VPS4B: variants seen among roughly 807,000 people sequenced by gnomAD.
The protein encoded by VPS4B is vacuolar protein sorting 4 homolog B.
Under a neutral mutation model 56.1 loss-of-function variants are expected in VPS4B, and 23 were observed. The ratio of observed to expected loss-of-function variants is 0.41; its 90% CI spans 0.30 to 0.58. The LOEUF (loss-of-function observed/expected upper bound fraction) is 0.58. Ranked by LOEUF, VPS4B falls within the 20% of genes least tolerant of loss-of-function variation. VPS4B has a pLI of 0.29. For missense variants in VPS4B, 372 were observed against 531.9 expected, an observed-to-expected ratio of 0.70 and a Z score of 2.96; for synonymous variants, 177 against 186.0, an observed-to-expected ratio of 0.95 and a Z score of 0.39.
intron 3 of VPS4B, among the ~76,000 whole-genome samples, chr18:63,409,366 G>A (rs1479859711): frequency 6.6e-6 from 1 of 152,154 alleles, no homozygotes; most frequent in Non-Finnish European, 1.5e-5. Context: ...CATTCCTTGT[G>A]ACCACAGGGT....
chr18:63,400,281 T>G, intron 6 of VPS4B, 85 bp from the exon 7 acceptor site: 1 of 1,369,846 alleles, frequency 7.3e-7, no homozygotes. Context: ...AAGAACTCTG[T>G]AGATTAAAAA....
At chr18:63,413,565 C>T (rs1232670155) in intron 1 of VPS4B, among the ~76,000 whole-genome samples, 1 of 148,932 alleles carries the variant, frequency 6.7e-6, no homozygotes, top group African/African-American at 2.5e-5. Context: ...AAATTATGCA[C>T]AGATACATAC....
At chr18:63,418,954 C>T (rs1916231168) in intron 1 of VPS4B, among the ~76,000 whole-genome samples, 1 of 152,168 alleles carries the variant, frequency 6.6e-6, no homozygotes, top group Non-Finnish European at 1.5e-5. Flanking sequence ...TGATTGTCTC[C>T]ACAAGCATCT....
chr18:63,411,396 A>T, intron 2 of VPS4B, 71 bp downstream of exon 2: 1 of 1,153,532 alleles, frequency 8.7e-7, no homozygotes, highest in Non-Finnish European at 1.1e-6. Flanking sequence ...TTATATTTCA[A>T]TTTTTTAGAA....
At chr18:63,402,824 A>G (rs753107318) in intron 5 of VPS4B, among the ~76,000 whole-genome samples, 11 of 152,200 alleles carry the variant, frequency 7.2e-5, no homozygotes, top group Non-Finnish European at 1.2e-4. Flanking sequence ...TGCGTGGCCT[A>G]CAGGCTTTTT....
intron 1 of VPS4B, among the ~76,000 whole-genome samples, chr18:63,413,038 T>C (rs916547670): frequency 1.3e-5 from 2 of 152,188 alleles, no homozygotes; most frequent in African/African-American, 2.4e-5. Context: ...AAAGAACTAG[T>C]ATCGAGAATA....
intron 8 of VPS4B, among the ~76,000 whole-genome samples, chr18:63,397,485 A>T (rs974727252): frequency 6.6e-6 from 1 of 152,174 alleles, no homozygotes; most frequent in Non-Finnish European, 1.5e-5. Context: ...TTTTGGCCAC[A>T]GTGTTCCTAT....
At chr18:63,415,298 T>C (rs542799122) in intron 1 of VPS4B, 1 of 161,268 alleles carries the variant, frequency 6.2e-6, no homozygotes, top group East Asian at 1.9e-4. Flanking sequence ...GAGGGATCCA[T>C]ACAAAGGACA....
intron 6 of VPS4B, 97 bp downstream of exon 6, chr18:63,400,450 T>G: frequency 7.6e-7 from 1 of 1,324,090 alleles, no homozygotes; most frequent in Non-Finnish European, 1.0e-6. Context: ...TTACATGACT[T>G]CTCTGAATAT....
chr18:63,402,068 A>G (rs773265737), intron 5 of VPS4B, among the ~76,000 whole-genome samples: 6 of 152,240 alleles, frequency 3.9e-5, no homozygotes, highest in Non-Finnish European at 8.8e-5. Context: ...CAGTATCTGC[A>G]AAAGAATGAT....
intron 1 of VPS4B, chr18:63,415,738 C>A: frequency 4.2e-6 from 1 of 236,940 alleles, no homozygotes. Context: ...GAGCTGATGA[C>A]AGATGGCAGG....
At position 63,393,398 on chromosome 18, in the gene VPS4B, A is replaced by C; in HGVS notation, c.1233+11T>G. ...TAAAATATTTTCTTAAAAACAAACA[A>C]AATTTCAAACCATGGAAACAACTGG... On this transcript the variant is annotated intron_variant, in intron 10 of 10. Transcript: ENST00000238497. 1.3e-6 allele frequency: 2 copies of C among 1,574,038 alleles called. No individual in the cohort carries two copies. Among genetic ancestry groups the C allele is most frequent in the Non-Finnish European group, 1.7e-6 (2 of 1,164,926 alleles).
At chr18:63,419,766 T>C (rs1916252926) in intron 1 of VPS4B, among the ~76,000 whole-genome samples, 1 of 152,202 alleles carries the variant, frequency 6.6e-6, no homozygotes, top group Admixed American at 6.5e-5. Flanking sequence ...TTCTAGAATA[T>C]TTCATTTAAA....
In VPS4B at chr18:63,389,281, G is replaced by GAAT. The variant is rs1453788091; in HGVS notation, c.*1691_*1693dup. 1 of 152,246 alleles carries GAAT rather than the reference G, an allele frequency of 6.6e-6. No individual in the cohort carries two copies. Among genetic ancestry groups the GAAT allele is most frequent in the East Asian group, 1.9e-4 (1 of 5,200 alleles). The allele number at this position is 152,246 out of a possible 1,614,324, so 9.4% of individuals were successfully genotyped here. A position where few individuals can be genotyped will look rare whatever the true frequency, so the allele number is the denominator to read the frequency against. On this transcript the variant is annotated 3_prime_UTR_variant, in exon 11 of 11. Coordinates refer to ENST00000238497, the MANE Select transcript of VPS4B (RefSeq NM_004869.4). ...TTTACACAGAAGGTCCCAAAATAAA[G>GAAT]AATAATACACAGAATACAGTCAATA...
intron 5 of VPS4B, among the ~76,000 whole-genome samples, chr18:63,401,767 C>T (rs371582887): frequency 1.3e-4 from 20 of 152,082 alleles, no homozygotes; most frequent in Admixed American, 1.0e-3. Flanking sequence ...CTGAGATGGG[C>T]GGATCACCTG....
At chr18:63,417,047 C>G (rs559192116) in intron 1 of VPS4B, among the ~76,000 whole-genome samples, 127 of 152,194 alleles carry the variant, frequency 8.3e-4, no homozygotes, top group African/African-American at 3.0e-3. Context: ...CTACCCATGC[C>G]TAGAATGGTG....
chr18:63,421,688 C>A (rs1916305322), intron 1 of VPS4B, among the ~76,000 whole-genome samples: 1 of 152,166 alleles, frequency 6.6e-6, no homozygotes, highest in Non-Finnish European at 1.5e-5. Context: ...TTTAAGAATA[C>A]TCCTCGATCT....
chr18:63,391,697 T>C (rs193269325), intron 10 of VPS4B, among the ~76,000 whole-genome samples: 1 of 152,370 alleles, frequency 6.6e-6, no homozygotes, highest in Non-Finnish European at 1.5e-5. Flanking sequence ...ATCTAATTTC[T>C]GGCCTTATCT....
intron 7 of VPS4B, 68 bp from the exon 8 acceptor site, chr18:63,399,391 TTC>T: frequency 1.4e-6 from 2 of 1,391,590 alleles, no homozygotes; most frequent in Non-Finnish European, 2.0e-6. Context: ...CTTCCATATA[TTC>T]TGTTAAGAAA....
Sources: gnomAD v4.1 joint callset for allele counts (sites outside exome capture counted in the v4.1 genomes callset) on GRCh38, gnomAD v4.1.1 for gene constraint, MANE v1.5 for transcripts, NCBI Gene and HGNC (gene_info 2026-07-23, HGNC 2026-07-21) for gene names.